The following CSMD1 variants were observed in gnomAD, a reference collection of about 807,000 sequenced individuals.
The protein encoded by CSMD1 is CUB and sushi domain-containing protein 1.
In CSMD1, 213 loss-of-function variants were observed where a neutral mutation model predicts 417.5. The ratio of observed to expected loss-of-function variants is 0.51; its 90% confidence interval spans 0.46 to 0.57. CSMD1 has a LOEUF of 0.57. Among genes scored for constraint, CSMD1 ranks in the 20% least tolerant of loss-of-function variants. The pLI, the probability that CSMD1 is intolerant of heterozygous loss-of-function variation, is 0.00. For missense variants in CSMD1, 6,923 were observed against 4,529.7 expected (o/e 1.53, Z -15.17); for synonymous variants, 2,862 against 1,736.8 (o/e 1.65, Z -16.11).
chr8:4,468,005 G>A (rs1585126710), intron 2 of CSMD1, among the ~76,000 whole-genome samples: 1 of 152,218 alleles, frequency 6.6e-6, no homozygotes, highest in East Asian at 1.9e-4. Flanking sequence ...GTAGATTTGT[G>A]TAGTGATAAC....
At chr8:4,425,419 A>G (rs961736432) in intron 2 of CSMD1, among the ~76,000 whole-genome samples, 2 of 151,386 alleles carry the variant, frequency 1.3e-5, no homozygotes, top group Non-Finnish European at 2.9e-5. Flanking sequence ...ATTAGTTGAC[A>G]GGGATGCGGA....
At chr8:4,625,751 T>G (rs893017434) in intron 2 of CSMD1, among the ~76,000 whole-genome samples, 5 of 151,932 alleles carry the variant, frequency 3.3e-5, no homozygotes, top group African/African-American at 9.7e-5. Context: ...TGAGAAAGAG[T>G]CTGGTTCTGT....
chr8:3,321,303 G>T (rs1340396386), intron 23 of CSMD1, among the ~76,000 whole-genome samples: 1 of 152,106 alleles, frequency 6.6e-6, no homozygotes, highest in African/African-American at 2.4e-5. Flanking sequence ...CTGCCATCTG[G>T]TGATGCCCTC....
chr8:2,957,961 T>C (rs756547333), intron 62 of CSMD1, among the ~76,000 whole-genome samples, 154 bp from the exon 63 acceptor site: 13 of 152,242 alleles, frequency 8.5e-5, no homozygotes, highest in Non-Finnish European at 1.5e-4. Context: ...ACATTTTAAC[T>C]GCCTGCTACA....
intron 7 of CSMD1, among the ~76,000 whole-genome samples, chr8:3,637,527 G>C (rs921652968): frequency 6.6e-6 from 1 of 152,098 alleles, no homozygotes; most frequent in South Asian, 2.1e-4. Context: ...TACCTGACAA[G>C]AAGTATACAA....
intron 5 of CSMD1, among the ~76,000 whole-genome samples, chr8:3,827,975 C>CT (rs1802151200): frequency 6.6e-6 from 1 of 152,180 alleles, no homozygotes; most frequent in South Asian, 2.1e-4. Flanking sequence ...AAATAGCCAT[C>CT]TTAACATAAA....
intron 3 of CSMD1, among the ~76,000 whole-genome samples, chr8:4,068,458 A>C (rs541659200): frequency 9.2e-5 from 14 of 152,216 alleles, no homozygotes; most frequent in Non-Finnish European, 2.1e-4. Context: ...TTTAGAAAGA[A>C]GTCTTTCATG....
At chr8:4,312,967 C>A (rs1446062137) in intron 3 of CSMD1, among the ~76,000 whole-genome samples, 1 of 152,144 alleles carries the variant, frequency 6.6e-6, no homozygotes, top group Non-Finnish European at 1.5e-5. Flanking sequence ...CATAATTTGA[C>A]CTGCAAGGTA....
chr8:3,525,221 T>A (rs985040016), intron 10 of CSMD1, among the ~76,000 whole-genome samples: 1 of 152,098 alleles, frequency 6.6e-6, no homozygotes, highest in Non-Finnish European at 1.5e-5. Context: ...GATTTGACCT[T>A]CCTTAGGGGA....
At chr8:4,953,384 C>A (rs10448093) in intron 1 of CSMD1, among the ~76,000 whole-genome samples, 1 of 151,758 alleles carries the variant, frequency 6.6e-6, no homozygotes, top group African/African-American at 2.4e-5. Flanking sequence ...AAGGACTATG[C>A]GATCAACACA....
At chr8:4,594,149 ACC>A (rs1412095621) in intron 2 of CSMD1, among the ~76,000 whole-genome samples, 9 of 147,424 alleles carry the variant, frequency 6.1e-5, no homozygotes, top group African/African-American at 2.0e-4. Context: ...TTGAATTAGG[ACC>A]CACTCCAATT....
intron 1 of CSMD1, among the ~76,000 whole-genome samples, chr8:4,964,799 G>A (rs948775135): frequency 4.6e-5 from 7 of 151,936 alleles, no homozygotes; most frequent in African/African-American, 7.3e-5. Flanking sequence ...TCTTTTTATC[G>A]TCGTTGTCCA....
At chr8:3,725,608 G>C (rs895578620) in intron 6 of CSMD1, among the ~76,000 whole-genome samples, 7 of 152,116 alleles carry the variant, frequency 4.6e-5, no homozygotes, top group African/African-American at 1.7e-4. Context: ...TTAGGAGAGA[G>C]AAGGTTTCAG....
At position 2,938,617 on chromosome 8, in the gene CSMD1, T is replaced by C; in HGVS notation, c.10663A>G (p.Thr3555Ala). ...ACTGTACAGACTGTGTTCAGAGTTG[T>C]GTCAAACCTCACAGCCTTGGCTTCT... ...PTEAKAVRFDTTLNTVCTVV is the reference protein window; with the variant it reads ...PTEAKAVRFDATLNTVCTVV The change falls in exon 70 of 70, where the codon ACA becomes GCA. Residue 3555 changes from threonine (T) to alanine (A), a missense_variant. By Grantham distance (58) the Thr-to-Ala change is moderately conservative (BLOSUM62 0). Transcript: ENST00000635120. The C allele has an allele frequency of 6.2e-7, 1 of 1,612,392 alleles. No individual in the cohort carries two copies. The highest frequency in any genetic ancestry group is 8.5e-7 in the Non-Finnish European group (1 of 1,179,300).
intron 1 of CSMD1, among the ~76,000 whole-genome samples, chr8:4,719,745 A>C (rs1199466531): frequency 6.6e-6 from 1 of 152,182 alleles, no homozygotes. Flanking sequence ...AGAATTCCTA[A>C]TATGCACTTA....
At chr8:4,161,121 TAA>T (rs56718091) in intron 3 of CSMD1, among the ~76,000 whole-genome samples, 329 of 148,750 alleles carry the variant, frequency 2.2e-3, no homozygotes, top group African/African-American at 6.7e-3. Flanking sequence ...ACAAATAATG[TAA>T]AAAAAAAAAA....
chr8:4,053,443 G>A (rs1167195533), intron 3 of CSMD1, among the ~76,000 whole-genome samples: 3 of 151,794 alleles, frequency 2.0e-5, no homozygotes, highest in Non-Finnish European at 4.4e-5. Context: ...TCATGGTCTC[G>A]GTGGGGAACC....
At chr8:3,297,170 C>A (rs1255227308) in intron 25 of CSMD1, among the ~76,000 whole-genome samples, 1 of 152,206 alleles carries the variant, frequency 6.6e-6, no homozygotes, top group East Asian at 1.9e-4. Flanking sequence ...TGAGACAAAT[C>A]ATACAAAAGC....
chr8:4,116,828 T>TA (rs68050758), intron 3 of CSMD1, among the ~76,000 whole-genome samples: 125 of 150,698 alleles, frequency 8.3e-4, no homozygotes, highest in African/African-American at 2.2e-3. Context: ...TAGGGTCTAT[T>TA]AAAAAAAAAC....
Sources: allele counts gnomAD v4.1 joint callset (sites outside exome capture counted in the v4.1 genomes callset), GRCh38; gene constraint gnomAD v4.1.1; transcripts MANE v1.5; gene names NCBI Gene and HGNC (gene_info 2026-07-23, HGNC 2026-07-21).